Variants in ZNF454 observed in about 807,000 individuals in gnomAD.
ZNF454 encodes zinc finger protein 454.
A neutral mutation model predicts 48.2 loss-of-function variants in ZNF454; 30 were observed. The observed-to-expected ratio is 0.62, with a 90% CI of 0.47 to 0.84. The LOEUF is 0.84. ZNF454 is among the 40% of genes least tolerant of loss of function. The pLI is 0.00. For missense variants in ZNF454, 510 were observed against 623.1 expected, an observed-to-expected ratio of 0.82 and a Z score of 1.93; for synonymous variants, 204 against 211.4, an observed-to-expected ratio of 0.97 and a Z score of 0.30.
At chr5:178,952,751 C>CT (rs113816957) in intron 4 of ZNF454, among the ~76,000 whole-genome samples, 85,660 of 151,334 alleles carry the variant, frequency 0.57, 24,750 homozygotes, top group Non-Finnish European at 0.62. Context: ...TTACCTTTTT[C>CT]TTTTTTTTCT....
At chr5:178,989,200 T>TGCCCCCC in the ZNF454 span, 1 of 1,333,676 alleles carries the variant, frequency 7.5e-7, no homozygotes. Context: ...CCTCCCGCCT[T>TGCCCCCC]CCCCCTCCCC....
the ZNF454 span, among the ~76,000 whole-genome samples, chr5:178,974,453 A>G: frequency 3.9e-5 from 6 of 151,972 alleles, no homozygotes; most frequent in African/African-American, 9.7e-5. Flanking sequence ...TGAGTAGCTG[A>G]GACTACAGGC....
the ZNF454 span, chr5:178,985,678 G>T: frequency 2.5e-6 from 1 of 405,664 alleles, no homozygotes; most frequent in Non-Finnish European, 4.8e-6. Flanking sequence ...ACTCCAGCCT[G>T]GGCGACACAG....
In ZNF454 at chr5:178,946,132, C is replaced by G. The variant is rs1019333314; in HGVS notation, c.34-227C>G. Among the ~76,000 whole-genome samples, 8 of 152,166 alleles carry G rather than the reference C, an allele frequency of 5.3e-5. No homozygotes were observed. The highest frequency in any genetic ancestry group is 1.9e-4 in the East Asian group (1 of 5,170). On this transcript the variant is annotated intron_variant, in intron 2 of 4. Coordinates refer to ENST00000519564, the MANE Select transcript of ZNF454 (RefSeq NM_001178089.3). This position sits in a 1 kb window ranked among gnomAD's most constrained non-coding sequence, Gnocchi z 4.5. ...TTGGAAGTCCCAGTGCTGAGAAAGC[C>G]TATCTTCGCCACCATATATGTTTCT...
In ZNF454 at chr5:178,942,787, A is replaced by T. The variant is rs117923336; in HGVS notation, c.-5A>T. 5.6e-4 allele frequency: 907 copies of T among 1,614,038 alleles called. 11 individuals carry two copies. The East Asian group carries it at 0.017, about 30-fold the overall frequency. ...TCCCTAAGAGGGCTCATCGGAGAAG[A>T]AAGAATGGCTGTCAGCCACCTGCCA... On this transcript the variant is annotated 5_prime_UTR_variant, in exon 2 of 5. Transcript: ENST00000519564.
the ZNF454 span, chr5:178,987,170 G>A: frequency 1.4e-6 from 1 of 711,988 alleles, no homozygotes; most frequent in Non-Finnish European, 2.5e-6. Context: ...CCAAGAACCA[G>A]AAAATAACGA....
downstream of ZNF454, among the ~76,000 whole-genome samples, chr5:178,970,505 G>C (rs1194434583): frequency 1.3e-5 from 2 of 152,140 alleles, no homozygotes; most frequent in Non-Finnish European, 2.9e-5. Context: ...CACACTCCCT[G>C]TGTTCCGTCT....
chr5:178,948,782 T>C (rs1759438486), intron 4 of ZNF454, among the ~76,000 whole-genome samples: 1 of 150,914 alleles, frequency 6.6e-6, no homozygotes, highest in Non-Finnish European at 1.5e-5. Context: ...TATATGTAGA[T>C]CTAATTTATG....
At chr5:178,983,023 C>G in the ZNF454 span, 1 of 1,614,114 alleles carries the variant, frequency 6.2e-7, no homozygotes, top group Non-Finnish European at 8.5e-7. Flanking sequence ...GTCTCGGGCA[C>G]GCCACGGGCC....
the ZNF454 span, among the ~76,000 whole-genome samples, chr5:178,978,054 A>G: frequency 6.6e-6 from 1 of 152,212 alleles, no homozygotes; most frequent in Non-Finnish European, 1.5e-5. Context: ...GAAACCCCCC[A>G]AGCTACTTGT....
chr5:178,953,959 C>A (rs1043091046), intron 4 of ZNF454, among the ~76,000 whole-genome samples: 1 of 152,060 alleles, frequency 6.6e-6, no homozygotes, highest in South Asian at 2.1e-4. Flanking sequence ...TGAAACTTTC[C>A]GTCTAAAATT....
At chr5:178,985,785 A>G in the ZNF454 span, 3 of 498,626 alleles carry the variant, frequency 6.0e-6, no homozygotes, top group African/African-American at 3.9e-5. Context: ...GTTTTGAGAC[A>G]GGGTCTTACT....
In ZNF454 at chr5:178,966,046, A is replaced by G; in HGVS notation, c.*73A>G. The G allele has an allele frequency of 8.1e-7, 1 of 1,232,564 alleles. No individual in the cohort carries two copies. The highest frequency in any genetic ancestry group is 1.1e-6 in the Non-Finnish European group (1 of 883,834). 76.4% of individuals were successfully genotyped at this position (1,232,564 alleles called of 1,614,324 possible). A position where few individuals can be genotyped will look rare whatever the true frequency, so the allele number is the denominator to read the frequency against. ...TATTGAATGTGAGATAATCCGTTCT[A>G]GAGAATAACTATGAAAGCTTGCATC... On this transcript the variant is annotated 3_prime_UTR_variant, in exon 5 of 5. Coordinates refer to ENST00000519564, the MANE Select transcript of ZNF454 (RefSeq NM_001178089.3).
chr5:178,989,629 G>A, the ZNF454 span: 1 of 613,802 alleles, frequency 1.6e-6, no homozygotes, highest in East Asian at 2.8e-5. Context: ...AGGTGACCAA[G>A]TTCTGATTGG....
the ZNF454 span, among the ~76,000 whole-genome samples, chr5:178,988,357 G>A: frequency 3.3e-5 from 5 of 152,214 alleles, no homozygotes; most frequent in African/African-American, 4.8e-5. The surrounding 1 kb of genome is among the most constrained non-coding windows in gnomAD (Gnocchi z 6.0). Context: ...TGAGTGTTCA[G>A]TGGAAGAGCG....
chr5:178,971,890 G>C, the ZNF454 span, among the ~76,000 whole-genome samples: 1 of 151,750 alleles, frequency 6.6e-6, no homozygotes, highest in African/African-American at 2.4e-5. Context: ...CCCCAGGAAG[G>C]GCGGCTCTGT....
chr5:178,961,558 G>A (rs576501840), intron 4 of ZNF454, among the ~76,000 whole-genome samples: 1 of 151,672 alleles, frequency 6.6e-6, no homozygotes, highest in Non-Finnish European at 1.5e-5. Context: ...GCTCACGCCT[G>A]TAATCCCAGC....
chr5:178,989,079 C>A, the ZNF454 span: 1 of 1,614,102 alleles, frequency 6.2e-7, no homozygotes, highest in East Asian at 2.2e-5. Flanking sequence ...GCATCAATCA[C>A]AAACTGCACC....
chr5:178,989,381 C>G, the ZNF454 span: 49 of 1,613,874 alleles, frequency 3.0e-5, no homozygotes, highest in Non-Finnish European at 4.1e-5. Context: ...CTCCAGGGAT[C>G]GAGTCATGAA....
Sources: gnomAD v4.1 joint callset for allele counts (sites outside exome capture counted in the v4.1 genomes callset) on GRCh38, gnomAD v4.1.1 for gene constraint, Gnocchi (gnomAD v3.1) non-coding constraint, MANE v1.5 for transcripts, NCBI Gene and HGNC (gene_info 2026-07-23, HGNC 2026-07-21) for gene names.